MGAM: variants seen among roughly 807,000 people sequenced by gnomAD.
MGAM encodes alpha-1,4-glucosidase.
A neutral mutation model predicts 358.8 loss-of-function variants in MGAM; 253 were observed. That is an observed-to-expected ratio of 0.71 (90% CI 0.64 to 0.78). MGAM has a LOEUF of 0.78. MGAM is among the 30% of genes least tolerant of loss of function. The pLI is 0.00. For missense variants in MGAM, 3,080 were observed against 3,432.6 expected (o/e 0.90, Z 2.57); for synonymous variants, 1,105 against 1,227.1 (o/e 0.90, Z 2.08).
intron 31 of MGAM, 42 bp from the exon 32 acceptor site, chr7:142,059,430 G>C: frequency 6.3e-7 from 1 of 1,595,096 alleles, no homozygotes; most frequent in African/African-American, 1.3e-5. Flanking sequence ...AAGCTTGGGC[G>C]TGTACAGCAG....
intron 57 of MGAM, among the ~76,000 whole-genome samples, chr7:142,090,013 G>A (rs1284687585): frequency 6.9e-6 from 1 of 145,814 alleles, no homozygotes; most frequent in East Asian, 2.0e-4. Flanking sequence ...AATTCAATAA[G>A]TCTGATGGGA....
rs764945102 is a variant in MGAM, at chr7:142,099,748, G to A, written c.7874+11G>A. On this transcript the variant is annotated intron_variant, in intron 67 of 70. Coordinates refer to ENST00000475668, the MANE Select transcript of MGAM (RefSeq NM_001365693.1). Reference sequence around the variant, plus strand: ...GAACACCCACTTAAGGTAAGTGACAGGACTCAGGTTTTCCTTTACATGTCA... The same window carrying A: ...GAACACCCACTTAAGGTAAGTGACAAGACTCAGGTTTTCCTTTACATGTCA... 10 of 1,613,338 alleles carry A rather than the reference G, an allele frequency of 6.2e-6. No individual in the cohort carries two copies. Among genetic ancestry groups the A allele is most frequent in the Admixed American group, 3.3e-5 (2 of 59,894 alleles).
In MGAM at chr7:142,096,388, C is replaced by A. The variant is rs763177388; in HGVS notation, c.7665C>A (p.Ala2555=). 5.6e-6 allele frequency: 9 copies of A among 1,613,632 alleles called. No individual in the cohort carries two copies. The highest frequency in any genetic ancestry group is 7.6e-6 in the Non-Finnish European group (9 of 1,179,718). Residue 2555 remains alanine, a synonymous_variant, in exon 65 of 71, where the codon GCC becomes GCA. Coordinates refer to ENST00000475668, the MANE Select transcript of MGAM (RefSeq NM_001365693.1). ...ACAGTCAGTTCCTGCTGGGCCCAGC[C>A]TTCCTGGTCAGCCCTGTCCTGGAGC... ...DIDSQFLLGP[A]FLVSPVLERN... is the part of the protein sequence containing the mutation.
chr7:142,099,861 CTTT>C, intron 67 of MGAM, 124 bp downstream of exon 67: 1 of 1,383,552 alleles, frequency 7.2e-7, no homozygotes, highest in South Asian at 1.4e-5. Flanking sequence ...CTTGTTTTTT[CTTT>C]GTTTGCTTGT....
chr7:142,054,978 G>T (rs1811357585), intron 27 of MGAM, 70 bp downstream of exon 27: 3 of 1,509,928 alleles, frequency 2.0e-6, no homozygotes, highest in Non-Finnish European at 2.7e-6. Context: ...CATTGTCCTT[G>T]GATGTATCCT....
Position 142,034,336 on chromosome 7 carries a change from A to G in MGAM, c.1744A>G (p.Ile582Val), listed in dbSNP as rs572766702. ...AVQHWGKQYD[I>V]HNLYGYSMAV... The stretch of plus-strand genomic sequence containing the variant: ...GCAGCACTGGGGCAAGCAGTATGAC[A>G]TTCACAATCTGTATGGCTACTCCAT... The change falls in exon 15 of 71, where the codon ATT (isoleucine) becomes GTT (valine). Residue 582 changes from isoleucine to valine, a missense_variant. By Grantham distance (29) the Ile-to-Val change is conservative. Coordinates refer to ENST00000475668, the MANE Select transcript of MGAM (RefSeq NM_001365693.1). The G allele has an allele frequency of 1.6e-4, 248 of 1,596,322 alleles. 5 individuals are homozygous for G. The South Asian group carries it at 2.7e-3, about 18-fold the overall frequency.
chr7:142,005,140 C>CA (rs1394800424), intron 1 of MGAM, among the ~76,000 whole-genome samples: 1 of 151,828 alleles, frequency 6.6e-6, no homozygotes, highest in Admixed American at 6.6e-5. Flanking sequence ...GAGAGCAGAA[C>CA]AAATTATAAA....
At position 142,016,501 on chromosome 7, in the gene MGAM, C is replaced by G. The variant is rs182205443; in HGVS notation, c.328-2698C>G. 2.0e-5 allele frequency among the ~76,000 whole-genome samples: 3 copies of G among 152,214 alleles called. No homozygotes were observed. In the East Asian group the frequency reaches 5.8e-4, roughly 29 times the overall value. ...ATATATCCAGTTTTAGCTGTAATAT[C>G]TTGAAACTTTAATCATCATGTACTG... is the stretch of plus-strand genomic sequence containing the variant. On this transcript the variant is annotated intron_variant, in intron 3 of 70. Transcript: ENST00000475668.
At chr7:142,001,274 A>C (rs1804711333) in intron 1 of MGAM, among the ~76,000 whole-genome samples, 1 of 152,180 alleles carries the variant, frequency 6.6e-6, no homozygotes, top group South Asian at 2.1e-4. Flanking sequence ...TTCCTTTTGC[A>C]TAGTAAGAGG....
At chr7:142,078,042 G>A (rs887695753) in intron 47 of MGAM, among the ~76,000 whole-genome samples, 1 of 145,282 alleles carries the variant, frequency 6.9e-6, no homozygotes, top group Non-Finnish European at 1.6e-5. Context: ...AAAAGAATAA[G>A]GGGTGATCGC....
chr7:142,081,681 G>A (rs1415109905), intron 50 of MGAM, among the ~76,000 whole-genome samples: 6 of 145,868 alleles, frequency 4.1e-5, no homozygotes. Context: ...AGTGACATGA[G>A]GTGAGATCCT....
At chr7:142,043,750 C>A (rs1809454111) in intron 21 of MGAM, among the ~76,000 whole-genome samples, 4 of 79,442 alleles carry the variant, frequency 5.0e-5, no homozygotes, top group Admixed American at 1.7e-4. Context: ...ATTATATACA[C>A]ATACGACATA....
intron 61 of MGAM, 38 bp downstream of exon 61, chr7:142,094,535 A>T (rs1422503516): frequency 1.3e-6 from 2 of 1,555,960 alleles, no homozygotes; most frequent in Non-Finnish European, 8.8e-7. Context: ...CCGGTAGGGC[A>T]GGGAGTTGGG....
chr7:142,061,517 AT>A (rs1478146043), intron 34 of MGAM, among the ~76,000 whole-genome samples: 1 of 151,870 alleles, frequency 6.6e-6, no homozygotes, highest in Non-Finnish European at 1.5e-5. Context: ...CTGTTTTCTT[AT>A]GTTCCCTTTT....
At position 142,055,728 on chromosome 7, in the gene MGAM, T is replaced by C; in HGVS notation, c.3483+2T>C. On this transcript the variant is annotated splice_donor_variant, in intron 28 of 70. Transcript: ENST00000475668. LOFTEE classifies it high-confidence loss of function. ...TTCTCCCGAGACCAGCCCCCAGGGG[T>C]AAGGACAGAGCATTTGGGATCTGTG... 1.2e-6 allele frequency: 2 copies of C among 1,613,766 alleles called. No homozygotes were observed. The highest frequency in any genetic ancestry group is 1.7e-6 in the Non-Finnish European group (2 of 1,179,824).
At chr7:142,076,065 G>A (rs1304861774) in intron 45 of MGAM, 138 bp from the exon 46 acceptor site, 1 of 698,182 alleles carries the variant, frequency 1.4e-6, no homozygotes, top group East Asian at 2.7e-5. Flanking sequence ...TGAATACAAT[G>A]GAATATTATT....
chr7:142,030,470 G>A lies in MGAM; in HGVS notation c.1330G>A (p.Gly444Arg), dbSNP rs1807377665. The A allele has an allele frequency of 5.0e-6, 8 of 1,613,464 alleles. No homozygotes were observed. The South Asian group carries it at 7.7e-5, about 16-fold the overall frequency. Residue 444 changes from glycine (G) to arginine (R), a missense_variant, in exon 11 of 71, where the codon GGA becomes AGA. Physicochemically the swap from Gly to Arg is moderately radical, Grantham distance 125. Around this residue, in one of 5 missense-constraint regions of MGAM, gnomAD observed 1,816 missense variants for 1,840.5 expected, o/e 0.99. Coordinates refer to ENST00000475668, the MANE Select transcript of MGAM (RefSeq NM_001365693.1). ...ATTTGTCAACGAGTTACACAATAATGGACAGAAGCTTGTCATCATTGTGGT... is the reference window on the plus strand; with the variant it reads ...ATTTGTCAACGAGTTACACAATAATAGACAGAAGCTTGTCATCATTGTGGT... ...PEFVNELHNN[G>R]QKLVIIVDPA...
At chr7:142,005,104 G>A (rs1805039867) in intron 1 of MGAM, among the ~76,000 whole-genome samples, 1 of 151,900 alleles carries the variant, frequency 6.6e-6, no homozygotes, top group South Asian at 2.1e-4. Context: ...CCAATTACAA[G>A]AGATAAATCT....
At chr7:142,045,178 A>AACATGTGATATATAATATATATTATAT (rs1563156543) in intron 21 of MGAM, among the ~76,000 whole-genome samples, 8 of 55,524 alleles carry the variant, frequency 1.4e-4, no homozygotes, top group Non-Finnish European at 2.6e-4. Flanking sequence ...TATATTATAT[A>AACATGTGATATATAATATATATTATAT]ACATATATGA....
Sources: allele counts gnomAD v4.1 joint callset (sites outside exome capture counted in the v4.1 genomes callset), GRCh38; gene constraint gnomAD v4.1.1; regional missense constraint gnomAD v4.1.1; transcripts MANE v1.5; gene names NCBI Gene and HGNC (gene_info 2026-07-23, HGNC 2026-07-21).